The following XYLT1 variants were observed in gnomAD, a reference collection of about 807,000 sequenced individuals.
The protein encoded by XYLT1 is beta-D-xylosyltransferase 1.
XYLT1 carries 36 observed loss-of-function variants against 91.3 expected under a neutral mutation model. That is an observed-to-expected ratio of 0.39 (90% CI 0.30 to 0.52). The LOEUF is 0.52. XYLT1 is among the 20% of genes least tolerant of loss of function. The pLI, the probability that XYLT1 is intolerant of heterozygous loss-of-function variation, is 0.68. For synonymous variants in XYLT1, 588 were observed against 532.0 expected, an observed-to-expected ratio of 1.11 and a Z score of -1.45; for missense variants, 1,242 against 1,284.5, an observed-to-expected ratio of 0.97 and a Z score of 0.51.
At chr16:17,369,044 G>A in intron 1 of XYLT1, among the ~76,000 whole-genome samples, 1 of 148,856 alleles carries the variant, frequency 6.7e-6, no homozygotes, top group African/African-American at 2.5e-5. Flanking sequence ...AATATCTTCA[G>A]AGAGGTTTAA....
At chr16:17,181,817 C>A (rs536046352) in intron 5 of XYLT1, among the ~76,000 whole-genome samples, 1 of 151,972 alleles carries the variant, frequency 6.6e-6, no homozygotes, top group East Asian at 1.9e-4. Context: ...CTTGGGGCCA[C>A]GATGAGTTAC....
intron 7 of XYLT1, among the ~76,000 whole-genome samples, chr16:17,140,435 A>C (rs1361025516): frequency 6.6e-6 from 1 of 152,064 alleles, no homozygotes; most frequent in East Asian, 1.9e-4. Flanking sequence ...CTGAGGCAGG[A>C]GGACCACTTG....
intron 9 of XYLT1, among the ~76,000 whole-genome samples, chr16:17,133,605 C>T (rs944960034): frequency 3.3e-5 from 5 of 152,098 alleles, no homozygotes; most frequent in Non-Finnish European, 1.5e-5. Context: ...AGTATAATGC[C>T]AAGGGAAGAA....
At chr16:17,443,336 C>T (rs1289573998) in intron 1 of XYLT1, among the ~76,000 whole-genome samples, 1 of 152,168 alleles carries the variant, frequency 6.6e-6, no homozygotes, top group Non-Finnish European at 1.5e-5. Context: ...TCATCTCGAA[C>T]TGTAATCCCC....
chr16:17,146,702 A>ACCT (rs2031142234), intron 6 of XYLT1, among the ~76,000 whole-genome samples: 2 of 152,192 alleles, frequency 1.3e-5, no homozygotes, highest in Non-Finnish European at 2.9e-5. Context: ...TGGGTTAGGT[A>ACCT]ATTCCCAAGG....
At chr16:17,455,609 A>C (rs2036730346) in intron 1 of XYLT1, among the ~76,000 whole-genome samples, 1 of 151,800 alleles carries the variant, frequency 6.6e-6, no homozygotes, top group South Asian at 2.1e-4. Context: ...TAAATAAATA[A>C]ATAAATAAAT....
intron 3 of XYLT1, among the ~76,000 whole-genome samples, chr16:17,234,306 A>C (rs1256829442): frequency 6.6e-6 from 1 of 152,106 alleles, no homozygotes; most frequent in Non-Finnish European, 1.5e-5. Context: ...CAAGTGGCAA[A>C]ATCATCCCTC....
intron 6 of XYLT1, among the ~76,000 whole-genome samples, chr16:17,148,553 G>A (rs1423840429): frequency 5.9e-5 from 9 of 152,220 alleles, no homozygotes; most frequent in African/African-American, 2.2e-4. Context: ...AGCCACACCT[G>A]TTGGGCAATC....
intron 3 of XYLT1, among the ~76,000 whole-genome samples, chr16:17,245,176 T>C (rs566848676): frequency 1.3e-5 from 2 of 152,378 alleles, no homozygotes; most frequent in South Asian, 2.1e-4. Flanking sequence ...ATAATGAGAA[T>C]GTATACAGCC....
intron 6 of XYLT1, among the ~76,000 whole-genome samples, chr16:17,148,710 T>C (rs1357725430): frequency 6.6e-6 from 1 of 152,154 alleles, no homozygotes; most frequent in African/African-American, 2.4e-5. Flanking sequence ...TCTAGCTGGA[T>C]CCAATGCAAG....
At chr16:17,416,065 C>T (rs1223391364) in intron 1 of XYLT1, among the ~76,000 whole-genome samples, 1 of 152,206 alleles carries the variant, frequency 6.6e-6, no homozygotes, top group Non-Finnish European at 1.5e-5. Context: ...CTACCAAGCT[C>T]GGCCCTCCCG....
intron 6 of XYLT1, among the ~76,000 whole-genome samples, chr16:17,149,440 C>A (rs1197180829): frequency 6.6e-6 from 1 of 151,990 alleles, no homozygotes; most frequent in African/African-American, 2.4e-5. Context: ...AGTCACAATG[C>A]CTAGAAAAAA....
intron 2 of XYLT1, among the ~76,000 whole-genome samples, chr16:17,352,656 A>T (rs111507563): frequency 0.016 from 2,404 of 152,262 alleles, 66 homozygotes; most frequent in African/African-American, 0.055. Context: ...TCATCTCTCC[A>T]GCTCAGATTC....
chr16:17,298,892 C>A (rs1309048503), intron 2 of XYLT1, among the ~76,000 whole-genome samples: 1 of 152,160 alleles, frequency 6.6e-6, no homozygotes, highest in Non-Finnish European at 1.5e-5. Context: ...ATAGGCATTC[C>A]CCATTCCTCT....
chr16:17,325,588 A>G (rs1455900720), intron 2 of XYLT1, among the ~76,000 whole-genome samples: 3 of 152,202 alleles, frequency 2.0e-5, no homozygotes, highest in Non-Finnish European at 4.4e-5. Context: ...ACATACACGG[A>G]AAAGAAGACT....
intron 6 of XYLT1, among the ~76,000 whole-genome samples, chr16:17,142,739 G>A (rs1429453215): frequency 6.6e-6 from 1 of 151,926 alleles, no homozygotes; most frequent in Non-Finnish European, 1.5e-5. Flanking sequence ...CATTGCGCCT[G>A]GCCTAACTCC....
intron 5 of XYLT1, among the ~76,000 whole-genome samples, chr16:17,162,871 T>A (rs961201436): frequency 1.3e-5 from 2 of 152,248 alleles, no homozygotes; most frequent in Non-Finnish European, 2.9e-5. Context: ...TCCATCTTTA[T>A]CTGCTCCTCA....
At chr16:17,297,310 T>C (rs989350129) in intron 2 of XYLT1, among the ~76,000 whole-genome samples, 1 of 152,180 alleles carries the variant, frequency 6.6e-6, no homozygotes, top group Non-Finnish European at 1.5e-5. Flanking sequence ...CTCACGCCTA[T>C]AATCCCAGCA....
chr16:17,397,691 T>C (rs576887643), intron 1 of XYLT1, among the ~76,000 whole-genome samples: 1 of 152,184 alleles, frequency 6.6e-6, no homozygotes, highest in South Asian at 2.1e-4. Flanking sequence ...TTCCTAGGGA[T>C]AGCCATCTGG....
Sources: allele counts gnomAD v4.1 joint callset (sites outside exome capture counted in the v4.1 genomes callset), GRCh38; gene constraint gnomAD v4.1.1; transcripts MANE v1.5; gene names NCBI Gene and HGNC (gene_info 2026-07-23, HGNC 2026-07-21).